The following ZNF93 variants were observed in gnomAD, a reference collection of about 807,000 sequenced individuals.
ZNF93 encodes zinc finger protein 93.
Under a neutral mutation model 45.0 loss-of-function variants are expected in ZNF93, and 29 were observed. The ratio of observed to expected loss-of-function variants is 0.64; its 90% confidence interval spans 0.48 to 0.88. The LOEUF is 0.88. Ranked by LOEUF, ZNF93 falls within the 40% of genes least tolerant of loss-of-function variation. The pLI is 0.00. For synonymous variants in ZNF93, 223 were observed against 244.6 expected, an observed-to-expected ratio of 0.91 and a Z score of 0.82; for missense variants, 578 against 724.0, an observed-to-expected ratio of 0.80 and a Z score of 2.31.
chr19:19,909,489 G>T (rs962605787), intron 1 of ZNF93: 5 of 152,212 alleles, frequency 3.3e-5, no homozygotes, highest in African/African-American at 1.2e-4. Flanking sequence ...TACACAGATG[G>T]CCTCTTCAGT....
rs201286425 is a variant in ZNF93, at chr19:19,919,858, G to A, written c.226+3203G>A. On this transcript the variant is annotated intron_variant, in intron 3 of 3. Coordinates refer to ENST00000343769, the MANE Select transcript of ZNF93 (RefSeq NM_031218.4). Reference sequence around the variant, plus strand: ...TCAGCTTGAGATTTTGGGCTGAGACGATGGGGTTTTCTAGATATACAATCA... The same window carrying A: ...TCAGCTTGAGATTTTGGGCTGAGACAATGGGGTTTTCTAGATATACAATCA... Among the ~76,000 whole-genome samples, 175 of 152,264 alleles carry A rather than the reference G, an allele frequency of 1.1e-3. 2 individuals carry two copies. The South Asian group carries it at 0.016, about 14-fold the overall frequency.
rs775111035 is a variant in ZNF93 at position 19,934,184 on chromosome 19, C to A, written c.1229C>A (p.Ser410Tyr). The change falls in exon 4 of 4, where the codon TCT becomes TAT. Residue 410 changes from serine (S) to tyrosine (Y), a missense_variant. This residue lies in a region of ZNF93 where 446 missense variants were observed against 547.6 expected (regional missense o/e 0.81). Coordinates refer to ENST00000343769, the MANE Select transcript of ZNF93 (RefSeq NM_031218.4). ...TGTGGCAAAGCCTTTAAGTACTCCT[C>A]TACCCTTAGTTCACATAAGAGAAGT... ...EECGKAFKYS[S>Y]TLSSHKRSHT... 19 of 1,611,968 alleles carry A rather than the reference C, an allele frequency of 1.2e-5. No individual in the cohort carries two copies. Among genetic ancestry groups the A allele is most frequent in the Non-Finnish European group, 1.5e-5 (18 of 1,179,960 alleles).
At chr19:19,914,007 T>C in intron 1 of ZNF93, among the ~76,000 whole-genome samples, 3 of 146,984 alleles carry the variant, frequency 2.0e-5, no homozygotes, top group Admixed American at 2.0e-4. Context: ...CTTTGAAAAA[T>C]ATTTCTTTTT....
intron 3 of ZNF93, among the ~76,000 whole-genome samples, chr19:19,924,026 A>C (rs2063349346): frequency 6.6e-6 from 1 of 152,126 alleles, no homozygotes. Context: ...GGAGCTGTAG[A>C]CTGCAGCTGT....
chr19:19,900,977 C>A lies in ZNF93; in HGVS notation c.-112C>A. On this transcript the variant is annotated 5_prime_UTR_variant, in exon 1 of 4. Transcript: ENST00000343769. ...CGGTGCAGCCGGAGCTCCAGGTCTCCTCTTCACTACTCTGTGTCCTGTGCT... is the reference window on the plus strand; with the variant it reads ...CGGTGCAGCCGGAGCTCCAGGTCTCATCTTCACTACTCTGTGTCCTGTGCT... 1.3e-6 allele frequency: 2 copies of A among 1,539,788 alleles called. No homozygotes were observed. The highest frequency in any genetic ancestry group is 1.8e-6 in the Non-Finnish European group (2 of 1,116,410).
Position 19,933,241 on chromosome 19 carries a change from CA to C in ZNF93, c.291del (p.Val98Ter). On this transcript the variant is annotated frameshift_variant, in exon 4 of 4. Transcript: ENST00000343769. LOFTEE classifies it high-confidence loss of function. ...WPEQNIKDSF[Q>X]KVILRRYEKR... ...AGAGCAGAACATAAAAGATTCTTTC[CA>C]AAAAGTGATACTGAGAAGATATGAA... 6.2e-7 allele frequency: 1 copy of C among 1,603,388 alleles called. No homozygotes were observed. Among genetic ancestry groups the C allele is most frequent in the East Asian group, 2.2e-5 (1 of 44,698 alleles).
At chr19:19,916,708 G>T (rs999102363) in intron 3 of ZNF93, 53 bp downstream of exon 3, 2 of 1,353,720 alleles carry the variant, frequency 1.5e-6, no homozygotes, top group South Asian at 1.3e-5. Flanking sequence ...AGGTCCCAAG[G>T]CCAAAGAGAA....
chr19:19,911,818 C>T lies in ZNF93; in HGVS notation c.4-3462C>T, dbSNP rs190505456. 4.7e-3 allele frequency among the ~76,000 whole-genome samples: 714 copies of T among 151,748 alleles called. 4 individuals are homozygous for T. The highest frequency in any genetic ancestry group is 7.5e-3 in the Non-Finnish European group (508 of 67,946). On this transcript the variant is annotated intron_variant, in intron 1 of 3. Coordinates refer to ENST00000343769, the MANE Select transcript of ZNF93 (RefSeq NM_031218.4). The stretch of plus-strand genomic sequence containing the variant: ...GGTCTGGCTTGCAGTGGCACGATCT[C>T]GGCTCACTGTAAACTCTGCCGCCCG...
chr19:19,930,544 G>T (rs1285680677), intron 3 of ZNF93, among the ~76,000 whole-genome samples: 4 of 140,356 alleles, frequency 2.8e-5, no homozygotes, highest in Non-Finnish European at 4.6e-5. Context: ...GCTAGACCGC[G>T]GTCTGCTAGG....
At chr19:19,906,842 G>A (rs527661284) in intron 1 of ZNF93, among the ~76,000 whole-genome samples, 3 of 151,572 alleles carry the variant, frequency 2.0e-5, no homozygotes, top group East Asian at 3.9e-4. Context: ...GTAGGAGGGT[G>A]TCATTATTTC....
chr19:19,903,564 G>A (rs1349769262), intron 1 of ZNF93, among the ~76,000 whole-genome samples: 3 of 151,956 alleles, frequency 2.0e-5, no homozygotes, highest in Non-Finnish European at 4.4e-5. Flanking sequence ...TCAGGAGATC[G>A]AGACCATCCT....
At position 19,934,813 on chromosome 19, in the gene ZNF93, C is replaced by A. The variant is rs1410437792; in HGVS notation, c.1858C>A (p.Pro620Thr). 6.3e-7 allele frequency: 1 copy of A among 1,592,996 alleles called. No homozygotes were observed. Among genetic ancestry groups the A allele is most frequent in the Non-Finnish European group, 8.5e-7 (1 of 1,170,990 alleles). ...RHEIIHTGEK[P>T] is the part of the protein sequence containing the mutation. ...TGAGATAATTCATACTGGGGAGAAA[C>A]CCTAGAAGTGTGAAGAATGTGGCAA... is the stretch of plus-strand genomic sequence containing the variant. Residue 620 changes from proline (P) to threonine (T), a missense_variant, in exon 4 of 4, where the codon CCC becomes ACC. Around this residue, in one of 3 missense-constraint regions of ZNF93, gnomAD observed 119 missense variants for 123.1 expected, o/e 0.97. Coordinates refer to ENST00000343769, the MANE Select transcript of ZNF93 (RefSeq NM_031218.4).
intron 3 of ZNF93, among the ~76,000 whole-genome samples, chr19:19,921,608 T>G (rs1214920121): frequency 6.6e-6 from 1 of 152,170 alleles, no homozygotes; most frequent in African/African-American, 2.4e-5. Context: ...AAGGACTTGC[T>G]TTATGAATCT....
intron 3 of ZNF93, among the ~76,000 whole-genome samples, chr19:19,919,432 G>A (rs1330745219): frequency 6.6e-6 from 1 of 151,820 alleles, no homozygotes; most frequent in Non-Finnish European, 1.5e-5. Context: ...ACTTGGTAAT[G>A]TGGGCTCTTT....
intron 3 of ZNF93, 146 bp downstream of exon 3, chr19:19,916,801 T>C: frequency 1.7e-6 from 1 of 596,272 alleles, no homozygotes; most frequent in Middle Eastern, 2.7e-4. Flanking sequence ...TTTGTTTCTG[T>C]TTTTTAATTT....
Position 19,933,244 on chromosome 19 carries a change from A to C in ZNF93, c.289A>C (p.Lys97Gln). Residue 97 changes from lysine to glutamine, a missense_variant, in exon 4 of 4, where the codon AAA (lysine) becomes CAA (glutamine). Lys to Gln is a moderately conservative substitution (Grantham distance 53). Around this residue, in one of 3 missense-constraint regions of ZNF93, gnomAD observed 446 missense variants for 547.6 expected, o/e 0.81. Coordinates refer to ENST00000343769, the MANE Select transcript of ZNF93 (RefSeq NM_031218.4). ...GCAGAACATAAAAGATTCTTTCCAA[A>C]AAGTGATACTGAGAAGATATGAAAA... ...PEQNIKDSFQ[K>Q]VILRRYEKRG... 6.2e-7 allele frequency: 1 copy of C among 1,606,172 alleles called. No individual in the cohort carries two copies. The highest frequency in any genetic ancestry group is 8.5e-7 in the Non-Finnish European group (1 of 1,176,592).
chr19:19,900,973 TCTC>T lies in ZNF93; in HGVS notation c.-112_-110del, dbSNP rs1178202460. 8 of 1,509,252 alleles carry T rather than the reference TCTC, an allele frequency of 5.3e-6. No individual in the cohort carries two copies. The highest frequency in any genetic ancestry group is 6.4e-6 in the Non-Finnish European group (7 of 1,094,882). 93.5% of individuals were successfully genotyped at this position (1,509,252 alleles called of 1,614,324 possible). A position where few individuals can be genotyped will look rare whatever the true frequency, so the allele number is the denominator to read the frequency against. ...CTCTCGGTGCAGCCGGAGCTCCAGG[TCTC>T]CTCTTCACTACTCTGTGTCCTGTGC... On this transcript the variant is annotated 5_prime_UTR_variant, in exon 1 of 4. Coordinates refer to ENST00000343769, the MANE Select transcript of ZNF93 (RefSeq NM_031218.4).
chr19:19,929,740 C>T (rs1207225329), intron 3 of ZNF93, among the ~76,000 whole-genome samples: 1 of 151,478 alleles, frequency 6.6e-6, no homozygotes, highest in Non-Finnish European at 1.5e-5. Context: ...AGATCGAGAC[C>T]ATCCCGGCTA....
intron 2 of ZNF93, among the ~76,000 whole-genome samples, chr19:19,915,956 C>T (rs749311207): frequency 7.9e-5 from 12 of 152,180 alleles, no homozygotes; most frequent in African/African-American, 1.2e-4. Flanking sequence ...AATTTACTGA[C>T]GTAAAATATT....
Sources: gnomAD v4.1 joint callset for allele counts (sites outside exome capture counted in the v4.1 genomes callset) on GRCh38, gnomAD v4.1.1 for gene constraint, gnomAD v4.1.1 regional missense constraint, MANE v1.5 for transcripts, NCBI Gene and HGNC (gene_info 2026-07-23, HGNC 2026-07-21) for gene names.